The following PPARD variants were observed in gnomAD, a reference collection of about 807,000 sequenced individuals.
The protein encoded by PPARD is peroxisome proliferator-activated receptor delta.
Under a neutral mutation model 39.5 loss-of-function variants are expected in PPARD, and 6 were observed. That is an observed-to-expected ratio of 0.15 (90% CI 0.08 to 0.30). The LOEUF is 0.30. PPARD is among the 10% of genes least tolerant of loss of function. The pLI is 1.00. For missense variants in PPARD, 397 were observed against 596.8 expected, an observed-to-expected ratio of 0.67 and a Z score of 3.49; for synonymous variants, 210 against 231.3, an observed-to-expected ratio of 0.91 and a Z score of 0.83.
intron 2 of PPARD, among the ~76,000 whole-genome samples, chr6:35,399,136 C>CTCAT (rs900714780): frequency 1.3e-5 from 2 of 151,968 alleles, no homozygotes; most frequent in African/African-American, 4.8e-5. Context: ...GGCGTAGTGG[C>CTCAT]TCATGCCTGT....
intron 2 of PPARD, among the ~76,000 whole-genome samples, chr6:35,396,901 T>C (rs1764362247): frequency 6.6e-6 from 1 of 151,944 alleles, no homozygotes; most frequent in Non-Finnish European, 1.5e-5. Context: ...GCTCAAGCAA[T>C]CCTCCCATCT....
intron 2 of PPARD, among the ~76,000 whole-genome samples, chr6:35,371,253 C>T (rs1488185694): frequency 6.6e-6 from 1 of 152,106 alleles, no homozygotes; most frequent in Admixed American, 6.6e-5. Flanking sequence ...TCTGTTCTCC[C>T]ATGGCCTCTG....
At position 35,411,165 on chromosome 6, in the gene PPARD, C is replaced by A; in HGVS notation, c.78C>A (p.Ala26=). Reference sequence around the variant, plus strand: ...AGGAAGTGGCAGAGGCAGAAGGAGCCCCAGAGCTCAATGGGGGACCACAGC... The same window carrying A: ...AGGAAGTGGCAGAGGCAGAAGGAGCACCAGAGCTCAATGGGGGACCACAGC... ...EKEEVAEAEG[A]PELNGGPQHA... Residue 26 remains alanine (A), a synonymous_variant, in exon 3 of 8, where the codon GCC becomes GCA. Transcript: ENST00000360694. 6.4e-7 allele frequency: 1 copy of A among 1,574,340 alleles called. No homozygotes were observed.
At chr6:35,346,520 G>A (rs1224203295) in intron 1 of PPARD, among the ~76,000 whole-genome samples, 4 of 152,160 alleles carry the variant, frequency 2.6e-5, no homozygotes, top group Non-Finnish European at 4.4e-5. Context: ...TTTCTCTGCC[G>A]TTGGAGCCAG....
Position 35,384,713 on chromosome 6 carries a change from C to T in PPARD, c.-101-26274C>T, listed in dbSNP as rs1450984711. On this transcript the variant is annotated intron_variant, in intron 2 of 7. Coordinates refer to ENST00000360694, the MANE Select transcript of PPARD (RefSeq NM_006238.5). Reference sequence around the variant, plus strand: ...CGCCCCGTCTGGGAGGTGAGGGGCGCCTCTGCCCGGCCGCCCCTACTGGGA... The same window carrying T: ...CGCCCCGTCTGGGAGGTGAGGGGCGTCTCTGCCCGGCCGCCCCTACTGGGA... 6.8e-4 allele frequency among the ~76,000 whole-genome samples: 63 copies of T among 92,220 alleles called. 2 individuals are homozygous for T. Among genetic ancestry groups the T allele is most frequent in the African/African-American group, 3.8e-3 (59 of 15,504 alleles). 60.5% of individuals were successfully genotyped at this position (92,220 alleles called of 152,430 possible).
At chr6:35,385,654 A>G (rs1562195559) in intron 2 of PPARD, among the ~76,000 whole-genome samples, 1 of 149,734 alleles carries the variant, frequency 6.7e-6, no homozygotes, top group African/African-American at 2.5e-5. Context: ...TTTAAAAAAA[A>G]AAAAAAAAAA....
chr6:35,370,635 C>T (rs1378031224), intron 2 of PPARD, among the ~76,000 whole-genome samples: 1 of 152,204 alleles, frequency 6.6e-6, no homozygotes, highest in Admixed American at 6.5e-5. Context: ...CTGGAAAAGC[C>T]TGCTACCCGC....
chr6:35,407,246 C>T (rs1363353155), intron 2 of PPARD, among the ~76,000 whole-genome samples: 3 of 152,236 alleles, frequency 2.0e-5, no homozygotes, highest in Non-Finnish European at 2.9e-5. Flanking sequence ...TCCTGGCTCT[C>T]ATCACCACAG....
intron 2 of PPARD, among the ~76,000 whole-genome samples, chr6:35,400,645 C>G (rs1299401164): frequency 1.3e-5 from 2 of 151,944 alleles, no homozygotes; most frequent in Non-Finnish European, 1.5e-5. Flanking sequence ...ACAAAAAATA[C>G]AAAAATTTGC....
intron 2 of PPARD, among the ~76,000 whole-genome samples, chr6:35,398,016 A>G (rs1161524996): frequency 6.6e-6 from 1 of 152,214 alleles, no homozygotes; most frequent in Non-Finnish European, 1.5e-5. Context: ...CGAGACCAGC[A>G]GGAGGCCGTG....
In PPARD at chr6:35,424,310, A is replaced by G. The variant is rs759841599; in HGVS notation, c.628-19A>G. The G allele has an allele frequency of 6.2e-7, 1 of 1,608,050 alleles. No homozygotes were observed. The highest frequency in any genetic ancestry group is 2.2e-5 in the East Asian group (1 of 44,692). On this transcript the variant is annotated intron_variant, in intron 6 of 7. Transcript: ENST00000360694. The surrounding 1 kb of genome is among the most constrained non-coding windows in gnomAD (Gnocchi z 7.1). ...GGGGGTCTCCCGAGGCCTGATCTCTAACGGGGCCTGGTTTTCAGCCCTTTG... is the reference window on the plus strand; with the variant it reads ...GGGGGTCTCCCGAGGCCTGATCTCTGACGGGGCCTGGTTTTCAGCCCTTTG...
At chr6:35,350,643 CAG>C (rs1761186909) in intron 2 of PPARD, among the ~76,000 whole-genome samples, 2 of 74,204 alleles carry the variant, frequency 2.7e-5, no homozygotes, top group East Asian at 7.7e-4. Context: ...TTCTCTGAGA[CAG>C]AGTTTTGCTC....
chr6:35,387,053 A>G (rs1455527284), intron 2 of PPARD, among the ~76,000 whole-genome samples: 1 of 152,014 alleles, frequency 6.6e-6, no homozygotes, highest in Non-Finnish European at 1.5e-5. Flanking sequence ...TGGGTCACAC[A>G]ACAGGGTCGG....
chr6:35,380,917 A>G (rs1040645686), intron 2 of PPARD, among the ~76,000 whole-genome samples: 3 of 152,152 alleles, frequency 2.0e-5, no homozygotes, highest in African/African-American at 4.8e-5. Context: ...TCTCTAAATC[A>G]TAGCAGCAAT....
At chr6:35,384,932 C>T (rs1206086876) in intron 2 of PPARD, among the ~76,000 whole-genome samples, 5 of 134,632 alleles carry the variant, frequency 3.7e-5, no homozygotes, top group Non-Finnish European at 7.9e-5. Context: ...GCCCCTCTGC[C>T]AGGCCAGCCG....
intron 2 of PPARD, among the ~76,000 whole-genome samples, chr6:35,375,087 A>T (rs574127085): frequency 6.6e-6 from 1 of 152,156 alleles, no homozygotes; most frequent in Non-Finnish European, 1.5e-5. Flanking sequence ...ATTTAAATCA[A>T]ATCTGACAAT....
intron 2 of PPARD, chr6:35,348,549 C>T (rs1761027178): frequency 4.1e-6 from 4 of 985,256 alleles, no homozygotes; most frequent in Non-Finnish European, 4.8e-6. Flanking sequence ...GAAACGTGGG[C>T]CTCCTGCCTG....
chr6:35,362,546 G>GA (rs1761984086), intron 2 of PPARD, among the ~76,000 whole-genome samples: 1 of 151,454 alleles, frequency 6.6e-6, no homozygotes, highest in Non-Finnish European at 1.5e-5. Flanking sequence ...CAGGAGTTTA[G>GA]AAAAAAAGAT....
rs1041611163 is a variant in PPARD, at chr6:35,425,481, G to T, written c.1079-351G>T. 1.0e-4 allele frequency: 108 copies of T among 1,059,566 alleles called. No individual in the cohort carries two copies. Among genetic ancestry groups the T allele is most frequent in the Non-Finnish European group, 1.3e-4 (108 of 834,722 alleles). 65.6% of individuals were successfully genotyped at this position (1,059,566 alleles called of 1,614,324 possible). ...CACTTGATCCTCACAACAACCCTGT[G>T]CAGGAAGAATGTTTTGTGTCTCCAT... On this transcript the variant is annotated intron_variant, in intron 7 of 7. Coordinates refer to ENST00000360694, the MANE Select transcript of PPARD (RefSeq NM_006238.5). This position sits in a 1 kb window ranked among gnomAD's most constrained non-coding sequence, Gnocchi z 4.5.
Sources: allele counts gnomAD v4.1 joint callset (sites outside exome capture counted in the v4.1 genomes callset), GRCh38; gene constraint gnomAD v4.1.1; non-coding constraint Gnocchi (gnomAD v3.1); transcripts MANE v1.5; gene names NCBI Gene and HGNC (gene_info 2026-07-23, HGNC 2026-07-21).